SLC5A4: variants seen among roughly 807,000 people sequenced by gnomAD.
SLC5A4 encodes probable glucose sensor protein SLC5A4.
SLC5A4 carries 55 observed loss-of-function variants against 70.3 expected under a neutral mutation model. The observed-to-expected ratio is 0.78, with a 90% CI of 0.63 to 0.98. The LOEUF (loss-of-function observed/expected upper bound fraction) is 0.98. Ranked by LOEUF, SLC5A4 falls within the 50% of genes least tolerant of loss-of-function variation. SLC5A4 has a pLI of 0.00. For missense variants in SLC5A4, 735 were observed against 839.2 expected, an observed-to-expected ratio of 0.88 and a Z score of 1.53; for synonymous variants, 268 against 305.7, an observed-to-expected ratio of 0.88 and a Z score of 1.29.
chr22:32,341,472 T>G, the SLC5A4 span, among the ~76,000 whole-genome samples: 5 of 152,146 alleles, frequency 3.3e-5, no homozygotes, highest in African/African-American at 9.7e-5. Flanking sequence ...TTTGGTGAAC[T>G]CCTAGCTACT....
At chr22:32,271,755 G>A in the SLC5A4 span, 21 of 589,552 alleles carry the variant, frequency 3.6e-5, no homozygotes, top group Admixed American at 4.9e-4. Context: ...TGTCCCCGCG[G>A]CTTCCTGTAC....
At chr22:32,313,935 C>A in the SLC5A4 span, among the ~76,000 whole-genome samples, 8 of 152,230 alleles carry the variant, frequency 5.3e-5, no homozygotes, top group Non-Finnish European at 5.9e-5. Context: ...GCCCCCTCCA[C>A]ACCACTGCAG....
At chr22:32,328,456 T>C in the SLC5A4 span, among the ~76,000 whole-genome samples, 2 of 152,066 alleles carry the variant, frequency 1.3e-5, no homozygotes, top group Admixed American at 6.6e-5. Flanking sequence ...TTGAACTCTC[T>C]CTCCCAGAGC....
the SLC5A4 span, among the ~76,000 whole-genome samples, chr22:32,282,241 C>T: frequency 6.6e-6 from 1 of 152,140 alleles, no homozygotes; most frequent in African/African-American, 2.4e-5. Context: ...ACACTCTTGA[C>T]CTCATGGATT....
the SLC5A4 span, among the ~76,000 whole-genome samples, chr22:32,292,495 G>A: frequency 2.7e-5 from 4 of 150,700 alleles, no homozygotes; most frequent in Non-Finnish European, 4.4e-5. Context: ...CAGCAACAGG[G>A]TGCTATCTTA....
At chr22:32,291,118 T>G in the SLC5A4 span, among the ~76,000 whole-genome samples, 17 of 152,236 alleles carry the variant, frequency 1.1e-4, no homozygotes, top group East Asian at 3.1e-3. Flanking sequence ...GCTTTGCTGA[T>G]CCTCTCTGTG....
chr22:32,230,941 G>T, intron 10 of SLC5A4, 27 bp downstream of exon 10: 1 of 1,423,668 alleles, frequency 7.0e-7, no homozygotes, highest in Non-Finnish European at 9.9e-7. Context: ...GGCCTCTGGG[G>T]CTGTCCCAGC....
At chr22:32,324,382 G>A in the SLC5A4 span, among the ~76,000 whole-genome samples, 3 of 151,776 alleles carry the variant, frequency 2.0e-5, no homozygotes, top group African/African-American at 7.3e-5. Context: ...TTTCTTAGAG[G>A]GTAAAATTTT....
At chr22:32,300,951 G>A in the SLC5A4 span, among the ~76,000 whole-genome samples, 12 of 152,088 alleles carry the variant, frequency 7.9e-5, no homozygotes, top group Non-Finnish European at 1.6e-4. Context: ...TGGGTTAGAT[G>A]GTAGTTGCAT....
At chr22:32,221,726 A>G (rs139790485) in intron 13 of SLC5A4, among the ~76,000 whole-genome samples, 3 of 152,232 alleles carry the variant, frequency 2.0e-5, no homozygotes, top group African/African-American at 7.2e-5. Flanking sequence ...AAATTGCTCC[A>G]AGTATCAATG....
chr22:32,282,135 G>A, the SLC5A4 span, among the ~76,000 whole-genome samples: 10 of 152,148 alleles, frequency 6.6e-5, no homozygotes, highest in Non-Finnish European at 1.3e-4. Flanking sequence ...GAGCCACGGC[G>A]CTCGGCCACT....
chr22:32,309,369 G>GT, the SLC5A4 span, among the ~76,000 whole-genome samples: 5 of 152,198 alleles, frequency 3.3e-5, no homozygotes, highest in Middle Eastern at 3.4e-3. Flanking sequence ...ATCCTCTTGT[G>GT]TTTTTTTGTA....
chr22:32,313,988 C>G, the SLC5A4 span, among the ~76,000 whole-genome samples: 1 of 152,218 alleles, frequency 6.6e-6, no homozygotes. Context: ...GGTGACAGTT[C>G]TTAACTGATA....
chr22:32,329,039 A>G, the SLC5A4 span, among the ~76,000 whole-genome samples: 104,743 of 152,142 alleles, frequency 0.69, 36,150 homozygotes, highest in East Asian at 0.75. Context: ...GGGGTTCCCT[A>G]GCACCAGCCC....
At chr22:32,354,430 T>C in the SLC5A4 span, among the ~76,000 whole-genome samples, 1 of 149,184 alleles carries the variant, frequency 6.7e-6, no homozygotes, top group African/African-American at 2.5e-5. Context: ...CCAGCCAGCT[T>C]CTAGACGCAG....
In SLC5A4 at chr22:32,229,411, T is replaced by C. The variant is rs879083808; in HGVS notation, c.1130-67A>G. Reference sequence around the variant, plus strand: ...CACTGCCTTGCTAAACCAGAGAGGGTTGAAAGGTTAAAAGTATCATCTGGA... The same window carrying C: ...CACTGCCTTGCTAAACCAGAGAGGGCTGAAAGGTTAAAAGTATCATCTGGA... On this transcript the variant is annotated intron_variant, in intron 10 of 14. Coordinates refer to ENST00000266086, the MANE Select transcript of SLC5A4 (RefSeq NM_014227.3). 6.5e-5 allele frequency: 101 copies of C among 1,544,380 alleles called. 1 individual carries two copies. In the South Asian group the frequency reaches 1.1e-3, roughly 16 times the overall value.
At chr22:32,252,026 A>C in intron 2 of SLC5A4, 152 bp from the exon 3 acceptor site, 2 of 582,422 alleles carry the variant, frequency 3.4e-6, no homozygotes, top group Non-Finnish European at 6.2e-6. Context: ...TCAGGAGATC[A>C]AGACCATCCT....
At chr22:32,263,292 C>G in the SLC5A4 span, among the ~76,000 whole-genome samples, 795 of 152,290 alleles carry the variant, frequency 5.2e-3, 1 homozygote, top group Non-Finnish European at 8.3e-3. Context: ...AGCCACTGAG[C>G]CTTGCCTCAA....
intron 3 of SLC5A4, 35 bp from the exon 4 acceptor site, chr22:32,248,837 T>G (rs1926981727): frequency 6.9e-7 from 1 of 1,449,398 alleles, no homozygotes; most frequent in East Asian, 2.3e-5. Context: ...AGTGAGACAT[T>G]AAAGAGGCTT....
Sources: gnomAD v4.1 joint callset for allele counts (sites outside exome capture counted in the v4.1 genomes callset) on GRCh38, gnomAD v4.1.1 for gene constraint, MANE v1.5 for transcripts, NCBI Gene and HGNC (gene_info 2026-07-23, HGNC 2026-07-21) for gene names.